The following ARHGAP24 variants were observed in gnomAD, a reference collection of about 807,000 sequenced individuals.
ARHGAP24 encodes the protein rho GTPase-activating protein 24.
Under a neutral mutation model 76.4 loss-of-function variants are expected in ARHGAP24, and 50 were observed. The ratio of observed to expected loss-of-function variants is 0.65; its 90% confidence interval spans 0.52 to 0.83. The LOEUF (loss-of-function observed/expected upper bound fraction) is 0.83. Ranked by LOEUF, ARHGAP24 falls within the 40% of genes least tolerant of loss-of-function variation. The pLI is 0.00. For synonymous variants in ARHGAP24, 345 were observed against 323.3 expected, an observed-to-expected ratio of 1.07 and a Z score of -0.72; for missense variants, 930 against 914.2, an observed-to-expected ratio of 1.02 and a Z score of -0.22.
At chr4:85,806,592 A>C (rs537593716) in intron 3 of ARHGAP24, among the ~76,000 whole-genome samples, 2 of 152,170 alleles carry the variant, frequency 1.3e-5, no homozygotes, top group East Asian at 3.9e-4. Flanking sequence ...TGGGGGCTGG[A>C]TTGGGAACTC....
intron 2 of ARHGAP24, among the ~76,000 whole-genome samples, chr4:85,712,773 T>C (rs1415136746): frequency 1.3e-5 from 2 of 152,198 alleles, no homozygotes; most frequent in Non-Finnish European, 1.5e-5. Context: ...TCTGTCACGC[T>C]CTTTAATCAC....
rs1414326172 is a variant in ARHGAP24, at chr4:86,001,455, C to T, written c.*733C>T. ...TGTCTACCTTGCCAGATCCTCAGTG[C>T]GTATCGCCAATGCAGGATGCTCCTT... On this transcript the variant is annotated 3_prime_UTR_variant, in exon 10 of 10. Transcript: ENST00000395184. The T allele has an allele frequency of 1.5e-5, 6 of 398,742 alleles. No individual in the cohort carries two copies. Among genetic ancestry groups the T allele is most frequent in the African/African-American group, 2.1e-5 (1 of 48,710 alleles). 24.7% of individuals were successfully genotyped at this position (398,742 alleles called of 1,614,324 possible).
intron 3 of ARHGAP24, among the ~76,000 whole-genome samples, chr4:85,763,958 T>A (rs1287645284): frequency 6.6e-6 from 1 of 152,134 alleles, no homozygotes; most frequent in East Asian, 1.9e-4. Flanking sequence ...AAAGTCAGCA[T>A]CCTATATTTT....
intron 3 of ARHGAP24, among the ~76,000 whole-genome samples, chr4:85,856,312 T>A (rs1731558913): frequency 6.6e-6 from 1 of 152,186 alleles, no homozygotes; most frequent in East Asian, 1.9e-4. Context: ...TAAAAAAAAA[T>A]TATGTATAAA....
At chr4:85,859,379 T>TA (rs1213341652) in intron 3 of ARHGAP24, among the ~76,000 whole-genome samples, 1 of 152,086 alleles carries the variant, frequency 6.6e-6, no homozygotes, top group Non-Finnish European at 1.5e-5. Flanking sequence ...ATCAGAACCT[T>TA]AAATAAATTT....
chr4:85,872,881 C>T (rs1038218334), intron 3 of ARHGAP24, among the ~76,000 whole-genome samples: 10 of 152,098 alleles, frequency 6.6e-5, no homozygotes, highest in Admixed American at 2.6e-4. Context: ...GGATTACAAA[C>T]GTGAACCACT....
At chr4:85,923,095 G>A (rs1354328636) in intron 3 of ARHGAP24, among the ~76,000 whole-genome samples, 2 of 151,936 alleles carry the variant, frequency 1.3e-5, no homozygotes, top group Admixed American at 6.6e-5. Flanking sequence ...TTGTGATCTC[G>A]GGGGATGAGG....
rs543879270 is a variant in ARHGAP24, at chr4:85,738,466, C to T, written c.268+16494C>T. On this transcript the variant is annotated intron_variant, in intron 3 of 9. Transcript: ENST00000395184. ...CTTTATATAGTCTAGGTACAAACCT[C>T]ATGTCAGATATAAAACCTATAATAT... Among the ~76,000 whole-genome samples, 5 of 149,484 alleles carry T rather than the reference C, an allele frequency of 3.3e-5. No homozygotes were observed. The East Asian group carries it at 9.7e-4, about 29-fold the overall frequency.
At chr4:85,853,406 GA>G (rs1189882809) in intron 3 of ARHGAP24, among the ~76,000 whole-genome samples, 1 of 152,244 alleles carries the variant, frequency 6.6e-6, no homozygotes, top group Non-Finnish European at 1.5e-5. Flanking sequence ...CTAAGAAAGG[GA>G]AATCTTCTGA....
At chr4:85,697,664 T>G (rs1017863019) in intron 2 of ARHGAP24, among the ~76,000 whole-genome samples, 1 of 152,144 alleles carries the variant, frequency 6.6e-6, no homozygotes, top group African/African-American at 2.4e-5. Context: ...TGGAAGTCAA[T>G]TGGGCTGTTT....
chr4:85,495,341 ATTTTTTTTTTTT>A (rs35138716), intron 1 of ARHGAP24, among the ~76,000 whole-genome samples: 1 of 53,092 alleles, frequency 1.9e-5, no homozygotes, highest in Non-Finnish European at 3.7e-5. Context: ...GAAGTACAGA[ATTTTTTTTTTTT>A]TTTTTTTTTT....
At chr4:85,638,723 G>T (rs1033920303) in intron 2 of ARHGAP24, among the ~76,000 whole-genome samples, 1 of 152,132 alleles carries the variant, frequency 6.6e-6, no homozygotes, top group African/African-American at 2.4e-5. Flanking sequence ...AACTAGCAGA[G>T]TATACTATCA....
chr4:85,974,049 G>A (rs1319073107), intron 6 of ARHGAP24, among the ~76,000 whole-genome samples: 1 of 148,730 alleles, frequency 6.7e-6, no homozygotes, highest in South Asian at 2.1e-4. Context: ...TAGAGATGGG[G>A]GTTTCACCTT....
intron 2 of ARHGAP24, 75 bp downstream of exon 2, chr4:85,570,796 G>A (rs1727110346): frequency 6.5e-7 from 1 of 1,535,228 alleles, no homozygotes; most frequent in Admixed American, 1.7e-5. Flanking sequence ...GAAACCGATT[G>A]GGACTGAGAC....
chr4:85,770,366 A>G (rs1312589263), intron 3 of ARHGAP24, among the ~76,000 whole-genome samples: 1 of 152,194 alleles, frequency 6.6e-6, no homozygotes, highest in African/African-American at 2.4e-5. Flanking sequence ...TTTATATCCA[A>G]TGCTTTCTCA....
intron 3 of ARHGAP24, among the ~76,000 whole-genome samples, chr4:85,799,445 C>A (rs1728492199): frequency 6.6e-6 from 1 of 152,026 alleles, no homozygotes; most frequent in East Asian, 1.9e-4. Context: ...AACCCAAGGA[C>A]TATGATAAAA....
chr4:85,551,813 G>A (rs1395500304), intron 1 of ARHGAP24, among the ~76,000 whole-genome samples: 1 of 138,488 alleles, frequency 7.2e-6, no homozygotes, highest in Non-Finnish European at 1.6e-5. Flanking sequence ...TGTGTGCACA[G>A]AGTTTTGTAT....
intron 3 of ARHGAP24, among the ~76,000 whole-genome samples, chr4:85,801,212 C>T (rs1355646711): frequency 6.6e-6 from 1 of 151,978 alleles, no homozygotes; most frequent in Non-Finnish European, 1.5e-5. Flanking sequence ...AACCTATATC[C>T]TACTTTTTAC....
chr4:85,804,054 G>C (rs1297881683), intron 3 of ARHGAP24, among the ~76,000 whole-genome samples: 1 of 151,498 alleles, frequency 6.6e-6, no homozygotes, highest in Admixed American at 6.6e-5. Context: ...TGGGTTCAAG[G>C]TACACTCCTG....
Sources: allele counts gnomAD v4.1 joint callset (sites outside exome capture counted in the v4.1 genomes callset), GRCh38; gene constraint gnomAD v4.1.1; transcripts MANE v1.5; gene names NCBI Gene and HGNC (gene_info 2026-07-23, HGNC 2026-07-21).